The following PLCB4 variants were observed in gnomAD, a reference collection of about 807,000 sequenced individuals.
The protein encoded by PLCB4 is phospholipase C beta 4.
A neutral mutation model predicts 178.8 loss-of-function variants in PLCB4; 77 were observed. The observed-to-expected ratio is 0.43, with a 90% confidence interval of 0.36 to 0.52. The LOEUF (loss-of-function observed/expected upper bound fraction) is 0.52. PLCB4 is among the 20% of genes least tolerant of loss of function. PLCB4 has a pLI of 0.00. For synonymous variants in PLCB4, 496 were observed against 490.8 expected (o/e 1.01, Z -0.14); for missense variants, 1,024 against 1,453.4 (o/e 0.70, Z 4.80).
intron 7 of PLCB4, among the ~76,000 whole-genome samples, chr20:9,353,541 T>G (rs561464402): frequency 6.6e-6 from 1 of 152,250 alleles, no homozygotes; most frequent in Admixed American, 6.5e-5. Flanking sequence ...ATTAGTGGTT[T>G]TGTTCCTTTT....
intron 4 of PLCB4, among the ~76,000 whole-genome samples, chr20:9,322,117 ATTT>A (rs749496709): frequency 8.6e-6 from 1 of 116,594 alleles, no homozygotes; most frequent in African/African-American, 3.7e-5. Context: ...CACCCAGGTA[ATTT>A]TTTTTTTTTT....
intron 2 of PLCB4, among the ~76,000 whole-genome samples, chr20:9,107,133 T>C (rs1208934209): frequency 6.6e-6 from 1 of 152,174 alleles, no homozygotes; most frequent in Non-Finnish European, 1.5e-5. Context: ...TGTTTATTTG[T>C]GTGGGAAGAT....
chr20:9,183,717 G>T (rs1247433175), intron 2 of PLCB4, among the ~76,000 whole-genome samples: 1 of 152,050 alleles, frequency 6.6e-6, no homozygotes, highest in South Asian at 2.1e-4. Context: ...AGGGAAAATG[G>T]AATCTCACTT....
intron 7 of PLCB4, 106 bp from the exon 8 acceptor site, chr20:9,362,790 G>A: frequency 2.8e-6 from 2 of 710,316 alleles, no homozygotes; most frequent in Admixed American, 2.1e-5. Context: ...CAAAAGAAGA[G>A]TTTGTGTTTT....
intron 3 of PLCB4, among the ~76,000 whole-genome samples, chr20:9,287,513 G>A (rs1187002720): frequency 6.6e-6 from 1 of 151,964 alleles, no homozygotes; most frequent in African/African-American, 2.4e-5. Flanking sequence ...GAACTAATAA[G>A]CAATGATTCC....
chr20:9,458,513 G>A (rs557860130), intron 34 of PLCB4, among the ~76,000 whole-genome samples: 1 of 152,276 alleles, frequency 6.6e-6, no homozygotes, highest in South Asian at 2.1e-4. Context: ...CAATTCAGTG[G>A]GTCAGAAATT....
intron 21 of PLCB4, 82 bp downstream of exon 21, chr20:9,405,430 GA>G (rs1049683587): frequency 1.3e-4 from 102 of 800,686 alleles, no homozygotes; most frequent in Non-Finnish European, 1.9e-4. Context: ...CAGTTGTGGT[GA>G]AAAAATGATT....
chr20:9,074,807 T>A (rs866611504), intron 1 of PLCB4, among the ~76,000 whole-genome samples: 2,225 of 123,152 alleles, frequency 0.018, 52 homozygotes, highest in African/African-American at 0.047. Flanking sequence ...TTTTTTTTTT[T>A]AAACAAAACA....
At chr20:9,172,830 T>C (rs1476014941) in intron 2 of PLCB4, among the ~76,000 whole-genome samples, 2 of 152,236 alleles carry the variant, frequency 1.3e-5, no homozygotes, top group African/African-American at 2.4e-5. Context: ...TTTTTGTCTT[T>C]GTTTTTAAAA....
chr20:9,421,044 A>G (rs2040595394), intron 26 of PLCB4, among the ~76,000 whole-genome samples: 1 of 148,130 alleles, frequency 6.8e-6, no homozygotes, highest in Admixed American at 6.7e-5. Flanking sequence ...TATGATTCAT[A>G]TATATTTTTT....
At chr20:9,413,450 G>A (rs569593492) in intron 25 of PLCB4, among the ~76,000 whole-genome samples, 4 of 152,142 alleles carry the variant, frequency 2.6e-5, no homozygotes, top group Non-Finnish European at 5.9e-5. Context: ...ACAAGGTTAG[G>A]AGATCGAGAC....
rs142473983 is a variant in PLCB4 at position 9,315,655 on chromosome 20, A to G, written c.84+7757A>G. 3.3e-3 allele frequency among the ~76,000 whole-genome samples: 502 copies of G among 152,254 alleles called. 2 individuals carry two copies. Among genetic ancestry groups the G allele is most frequent in the African/African-American group, 0.011 (462 of 41,546 alleles). On this transcript the variant is annotated intron_variant, in intron 4 of 39. Coordinates refer to ENST00000378473, the MANE Select transcript of PLCB4 (RefSeq NM_001377142.1). ...ATGATAAGAAGTAGCTAGATTGGCC[A>G]GGTGCGGTGGCTCACACCTATAATC...
At chr20:9,113,825 C>A (rs978145171) in intron 2 of PLCB4, among the ~76,000 whole-genome samples, 2 of 152,128 alleles carry the variant, frequency 1.3e-5, no homozygotes, top group African/African-American at 4.8e-5. Flanking sequence ...GAATGCCAAA[C>A]AAATTGAGTC....
At chr20:9,317,052 T>C (rs1028265875) in intron 4 of PLCB4, among the ~76,000 whole-genome samples, 1 of 152,214 alleles carries the variant, frequency 6.6e-6, no homozygotes, top group Non-Finnish European at 1.5e-5. Context: ...TCCTGCAGCC[T>C]CTGTTACAGC....
At chr20:9,226,423 T>G (rs1377588461) in intron 3 of PLCB4, among the ~76,000 whole-genome samples, 1 of 152,198 alleles carries the variant, frequency 6.6e-6, no homozygotes, top group African/African-American at 2.4e-5. Context: ...ATTGAAAAAC[T>G]GAATGATTTT....
chr20:9,474,717 G>A (rs1357141117), intron 38 of PLCB4, among the ~76,000 whole-genome samples: 1 of 151,974 alleles, frequency 6.6e-6, no homozygotes, highest in Non-Finnish European at 1.5e-5. Context: ...TTTTTTGTAT[G>A]GCAATTGGGT....
At chr20:9,274,992 G>A (rs2094438547) in intron 3 of PLCB4, among the ~76,000 whole-genome samples, 2 of 152,026 alleles carry the variant, frequency 1.3e-5, no homozygotes, top group Non-Finnish European at 2.9e-5. Context: ...CTCTTTGAAT[G>A]TAATAGAGAC....
At chr20:9,166,712 A>G (rs1352342381) in intron 2 of PLCB4, 2 of 152,154 alleles carry the variant, frequency 1.3e-5, no homozygotes, top group African/African-American at 2.4e-5. Context: ...AAGCATACTG[A>G]AAAATGGCTT....
chr20:9,362,946 C>T lies in PLCB4; in HGVS notation c.420C>T (p.Asn140=), dbSNP rs761440267. 8.1e-6 allele frequency: 13 copies of T among 1,612,382 alleles called. No homozygotes were observed. The highest frequency in any genetic ancestry group is 1.1e-5 in the South Asian group (1 of 90,988). Reference sequence around the variant, plus strand: ...TCATACACAACTTCAGGGCCAACAACGTCAGTCCAATGACATGCCTCAAGA... The same window carrying T: ...TCATACACAACTTCAGGGCCAACAATGTCAGTCCAATGACATGCCTCAAGA... The part of the protein sequence containing the change: ...RSIIHNFRAN[N]VSPMTCLKKH... Residue 140 remains asparagine, a synonymous_variant, in exon 8 of 40, where the codon AAC becomes AAT. Coordinates refer to ENST00000378473, the MANE Select transcript of PLCB4 (RefSeq NM_001377142.1).
Sources: gnomAD v4.1 joint callset for allele counts (sites outside exome capture counted in the v4.1 genomes callset) on GRCh38, gnomAD v4.1.1 for gene constraint, MANE v1.5 for transcripts, NCBI Gene and HGNC (gene_info 2026-07-23, HGNC 2026-07-21) for gene names.